TEK: variants seen among roughly 807,000 people sequenced by gnomAD.
TEK encodes the protein TEK receptor tyrosine kinase, also known as angiopoietin-1 receptor.
In TEK, 43 loss-of-function variants were observed where a neutral mutation model predicts 131.8. The ratio of observed to expected loss-of-function variants is 0.33; its 90% CI spans 0.26 to 0.42. The LOEUF is 0.42. Among genes scored for constraint, TEK ranks in the 10% least tolerant of loss-of-function variants. TEK has a pLI of 1.00. For synonymous variants in TEK, 580 were observed against 491.6 expected, an observed-to-expected ratio of 1.18 and a Z score of -2.38; for missense variants, 1,162 against 1,384.4, an observed-to-expected ratio of 0.84 and a Z score of 2.55.
chr9:27,228,221 A>T lies in TEK; in HGVS notation c.3216A>T (p.Arg1072Ser). Residue 1072 changes from arginine to serine, a missense_variant, in exon 22 of 23, where the codon AGA becomes AGT. This residue lies in a region of TEK where 84 missense variants were observed against 80.3 expected (regional missense o/e 1.05). Transcript: ENST00000380036. ...NCDDEVYDLM[R>S]QCWREKPYER... ...GCTTTCGAAGGTATGATCTAATGAG[A>T]CAATGCTGGCGGGAGAAGCCTTATG... is the stretch of plus-strand genomic sequence containing the variant. 1.2e-6 allele frequency: 2 copies of T among 1,612,888 alleles called. No individual in the cohort carries two copies.
intron 1 of TEK, among the ~76,000 whole-genome samples, chr9:27,145,307 C>T (rs1417610525): frequency 1.3e-5 from 2 of 152,190 alleles, no homozygotes; most frequent in African/African-American, 4.8e-5. Flanking sequence ...GGAACTCTTC[C>T]TTAGCTCTTG....
At chr9:27,127,880 C>T (rs1020078532) in intron 1 of TEK, among the ~76,000 whole-genome samples, 24 of 152,022 alleles carry the variant, frequency 1.6e-4, no homozygotes, top group Non-Finnish European at 2.9e-4. Flanking sequence ...ATATTAACCC[C>T]TTGTCAGAAG....
At position 27,217,669 on chromosome 9, in the gene TEK, C is replaced by A; in HGVS notation, c.2992-19C>A. 6.2e-7 allele frequency: 1 copy of A among 1,612,188 alleles called. No individual in the cohort carries two copies. Among genetic ancestry groups the A allele is most frequent in the Non-Finnish European group, 8.5e-7 (1 of 1,178,300 alleles). ...AGACCCTGTCCCAGTTAAGTGAAAT[C>A]TCACTTTGTTCTCTCCAGGGAAGGC... is the stretch of plus-strand genomic sequence containing the variant. On this transcript the variant is annotated intron_variant, in intron 18 of 22. Transcript: ENST00000380036.
intron 6 of TEK, among the ~76,000 whole-genome samples, chr9:27,176,667 C>T (rs937015380): frequency 1.3e-5 from 2 of 152,210 alleles, no homozygotes; most frequent in African/African-American, 4.8e-5. Context: ...TATCCATCAC[C>T]TCACACAGTT....
intron 18 of TEK, among the ~76,000 whole-genome samples, chr9:27,214,718 G>A (rs948869038): frequency 1.3e-5 from 2 of 152,066 alleles, no homozygotes; most frequent in Non-Finnish European, 2.9e-5. Context: ...CACAGTGAAC[G>A]TAATCATTTT....
At chr9:27,164,493 G>A (rs765113868) in intron 2 of TEK, among the ~76,000 whole-genome samples, 17 of 151,932 alleles carry the variant, frequency 1.1e-4, no homozygotes, top group Non-Finnish European at 2.4e-4. Context: ...CTAATTTTTT[G>A]TATTTTTAGT....
chr9:27,175,109 G>A (rs892570762), intron 6 of TEK, among the ~76,000 whole-genome samples: 2 of 138,118 alleles, frequency 1.4e-5, no homozygotes, highest in Non-Finnish European at 3.1e-5. Flanking sequence ...TTAGCATTAG[G>A]TATATCTCCT....
intron 1 of TEK, among the ~76,000 whole-genome samples, chr9:27,138,252 G>C (rs895770997): frequency 6.6e-6 from 1 of 152,222 alleles, no homozygotes; most frequent in Non-Finnish European, 1.5e-5. Context: ...GCCGCTGCTG[G>C]CTCAGGTGGC....
chr9:27,193,718 T>G (rs993584725), intron 11 of TEK, among the ~76,000 whole-genome samples: 6 of 152,198 alleles, frequency 3.9e-5, no homozygotes, highest in Non-Finnish European at 7.3e-5. Context: ...GTAAGAATTA[T>G]CATCTTCCCT....
chr9:27,179,736 A>G (rs1824291734), intron 6 of TEK, among the ~76,000 whole-genome samples: 1 of 150,188 alleles, frequency 6.7e-6, no homozygotes, highest in Admixed American at 6.9e-5. Flanking sequence ...AAGATCTGGG[A>G]CTTTTCTCTG....
chr9:27,192,047 C>G (rs1451489933), intron 10 of TEK: 1 of 420,838 alleles, frequency 2.4e-6, no homozygotes, highest in African/African-American at 2.1e-5. Flanking sequence ...AATAGTATGA[C>G]CATTGCAAAT....
At chr9:27,214,002 C>G (rs985471979) in intron 18 of TEK, among the ~76,000 whole-genome samples, 2 of 152,198 alleles carry the variant, frequency 1.3e-5, no homozygotes, top group African/African-American at 4.8e-5. Flanking sequence ...TAAATGGTTT[C>G]TAAATCACCA....
chr9:27,207,399 C>G (rs748648168), intron 15 of TEK, among the ~76,000 whole-genome samples: 3 of 152,206 alleles, frequency 2.0e-5, no homozygotes, highest in Non-Finnish European at 4.4e-5. Flanking sequence ...AAGTGGCTTT[C>G]TCAATGGTTC....
chr9:27,163,633 G>A (rs938780365), intron 2 of TEK, among the ~76,000 whole-genome samples: 2 of 152,186 alleles, frequency 1.3e-5, no homozygotes, highest in Non-Finnish European at 2.9e-5. Flanking sequence ...AACTAGGGGT[G>A]GAGGTCTTGA....
At position 27,209,377 on chromosome 9, in the gene TEK, A is replaced by G. The variant is rs1825518003; in HGVS notation, c.2686+146A>G. 4 of 712,012 alleles carry G rather than the reference A, an allele frequency of 5.6e-6. No individual in the cohort carries two copies. In the African/African-American group the frequency reaches 7.0e-5, roughly 12 times the overall value. The allele number at this position is 712,012 out of a possible 1,614,324, so 44.1% of individuals were successfully genotyped here. A position where few individuals can be genotyped will look rare whatever the true frequency, so the allele number is the denominator to read the frequency against. ...TCTATCTGAATGTCTGTCTAGTCCCATTTATAGACTGTGCTGTGGTTTGCC... is the reference window on the plus strand; with the variant it reads ...TCTATCTGAATGTCTGTCTAGTCCCGTTTATAGACTGTGCTGTGGTTTGCC... On this transcript the variant is annotated intron_variant, in intron 16 of 22. Transcript: ENST00000380036.
chr9:27,207,636 T>C (rs1167005115), intron 15 of TEK, among the ~76,000 whole-genome samples: 1 of 152,230 alleles, frequency 6.6e-6, no homozygotes, highest in Non-Finnish European at 1.5e-5. Context: ...GGCTGCACTA[T>C]TGATTTTACA....
chr9:27,146,085 A>G (rs866362371), intron 1 of TEK, among the ~76,000 whole-genome samples: 24 of 152,132 alleles, frequency 1.6e-4, no homozygotes, highest in African/African-American at 4.3e-4. Context: ...TGTTTTCTTC[A>G]CTTTATATTT....
chr9:27,201,970 A>G (rs1413829), intron 12 of TEK, among the ~76,000 whole-genome samples: 41,227 of 152,062 alleles, frequency 0.27, 5,764 homozygotes, highest in Admixed American at 0.34. Context: ...AGCCTCATAA[A>G]TGTAAGGTAC....
chr9:27,158,205 T>C, intron 2 of TEK, 63 bp downstream of exon 2: 1 of 1,595,480 alleles, frequency 6.3e-7, no homozygotes, highest in Non-Finnish European at 8.6e-7. Context: ...CCTTTTGTCT[T>C]GGCAGCTGCT....
Sources: gnomAD v4.1 joint callset for allele counts (sites outside exome capture counted in the v4.1 genomes callset) on GRCh38, gnomAD v4.1.1 for gene constraint, gnomAD v4.1.1 regional missense constraint, MANE v1.5 for transcripts, NCBI Gene and HGNC (gene_info 2026-07-23, HGNC 2026-07-21) for gene names.